CALN1: variants seen among roughly 807,000 people sequenced by gnomAD.
CALN1 encodes calneuron 1, also known as calcium-binding protein 8.
In CALN1, 17 loss-of-function variants were observed where a neutral mutation model predicts 30.6. The ratio of observed to expected loss-of-function variants is 0.56; its 90% CI spans 0.38 to 0.83. The LOEUF is 0.83. CALN1 is among the 40% of genes least tolerant of loss of function. CALN1 has a pLI of 0.00. For synonymous variants in CALN1, 156 were observed against 131.4 expected, an observed-to-expected ratio of 1.19 and a Z score of -1.28; for missense variants, 291 against 354.9, an observed-to-expected ratio of 0.82 and a Z score of 1.45.
chr7:71,949,651 C>T (rs1489311165), intron 5 of CALN1, among the ~76,000 whole-genome samples: 2 of 151,874 alleles, frequency 1.3e-5, no homozygotes, highest in African/African-American at 4.8e-5. Context: ...AAGTGCTGAG[C>T]TTACAGGCAT....
rs1262233921 is a variant in CALN1 at position 72,344,599 on chromosome 7, ATATT to A, written c.119+58648_119+58651del. 7.5e-5 allele frequency among the ~76,000 whole-genome samples: 11 copies of A among 147,104 alleles called. No individual in the cohort carries two copies. The South Asian group carries it at 1.3e-3, about 17-fold the overall frequency. On this transcript the variant is annotated intron_variant, in intron 2 of 6. Transcript: ENST00000395275. ...ATATATTCTATTTATATGTAAATAT[ATATT>A]TATGTATTTTATGTATATATAAATT...
chr7:71,996,600 T>C (rs1408452520), intron 5 of CALN1, among the ~76,000 whole-genome samples: 5 of 152,166 alleles, frequency 3.3e-5, no homozygotes, highest in Non-Finnish European at 5.9e-5. Flanking sequence ...CCGTGGTGTA[T>C]ATGTACCACT....
At chr7:72,409,345 TTGC>T (rs757389029) in intron 1 of CALN1, among the ~76,000 whole-genome samples, 1 of 151,318 alleles carries the variant, frequency 6.6e-6, no homozygotes, top group East Asian at 2.0e-4. Context: ...ACCAGATTGG[TTGC>T]TGAAGGCCAC....
intron 5 of CALN1, among the ~76,000 whole-genome samples, chr7:71,971,162 G>A (rs1296362131): frequency 6.6e-6 from 1 of 152,146 alleles, no homozygotes; most frequent in East Asian, 1.9e-4. Flanking sequence ...AAAGAAAGGA[G>A]ATGAGGCCAG....
chr7:72,345,439 AAG>A (rs1053870163), intron 2 of CALN1, among the ~76,000 whole-genome samples: 17 of 150,474 alleles, frequency 1.1e-4, no homozygotes, highest in Admixed American at 2.7e-4. Context: ...GAAGGAGGGA[AAG>A]AGAGAAAGAC....
chr7:71,918,785 C>T (rs1257788995), intron 5 of CALN1, among the ~76,000 whole-genome samples: 2 of 152,164 alleles, frequency 1.3e-5, no homozygotes, highest in Admixed American at 6.5e-5. Context: ...CAGCCCCCAG[C>T]TCCTTGGAAT....
chr7:72,404,394 G>C (rs1263647742), intron 1 of CALN1, among the ~76,000 whole-genome samples: 2 of 152,152 alleles, frequency 1.3e-5, no homozygotes, highest in Non-Finnish European at 2.9e-5. Context: ...GTTCTCTTTG[G>C]TTTCATTGAA....
intron 6 of CALN1, among the ~76,000 whole-genome samples, chr7:71,789,066 G>A (rs752049951): frequency 6.6e-6 from 1 of 152,100 alleles, no homozygotes; most frequent in Non-Finnish European, 1.5e-5. Context: ...GCCTCCCAAA[G>A]TGTTGGGATT....
chr7:72,329,817 G>A (rs1309976753), intron 2 of CALN1, among the ~76,000 whole-genome samples: 1 of 152,036 alleles, frequency 6.6e-6, no homozygotes, highest in Non-Finnish European at 1.5e-5. Flanking sequence ...AGCTGGGCGT[G>A]GTGCCACGCA....
At chr7:72,335,273 G>A (rs771580792) in intron 2 of CALN1, among the ~76,000 whole-genome samples, 2 of 152,164 alleles carry the variant, frequency 1.3e-5, no homozygotes, top group Admixed American at 6.5e-5. Context: ...CACACCAAAT[G>A]GCTTTAAATT....
At chr7:71,944,237 A>G (rs1252074749) in intron 5 of CALN1, among the ~76,000 whole-genome samples, 1 of 152,162 alleles carries the variant, frequency 6.6e-6, no homozygotes, top group Non-Finnish European at 1.5e-5. Context: ...ACTTGAGCCC[A>G]GGAGTTCAAG....
At chr7:72,406,751 G>T (rs1047301772) in intron 1 of CALN1, among the ~76,000 whole-genome samples, 1 of 151,740 alleles carries the variant, frequency 6.6e-6, no homozygotes, top group Non-Finnish European at 1.5e-5. Flanking sequence ...CAAATAACTG[G>T]GATTACAGGT....
At chr7:72,304,594 G>A (rs868472279) in intron 2 of CALN1, among the ~76,000 whole-genome samples, 1 of 152,112 alleles carries the variant, frequency 6.6e-6, no homozygotes, top group Non-Finnish European at 1.5e-5. Flanking sequence ...TGACATGGGG[G>A]GGGTATAGCT....
intron 5 of CALN1, among the ~76,000 whole-genome samples, chr7:71,814,004 G>C (rs1355337249): frequency 6.6e-6 from 1 of 151,302 alleles, no homozygotes; most frequent in Non-Finnish European, 1.5e-5. Flanking sequence ...TAAGCTACAC[G>C]GGTCCCAGGA....
chr7:72,351,662 T>C (rs1663165792), intron 2 of CALN1, among the ~76,000 whole-genome samples: 1 of 152,108 alleles, frequency 6.6e-6, no homozygotes, highest in Non-Finnish European at 1.5e-5. Flanking sequence ...AAGGTGCACA[T>C]TGTTAAACCC....
chr7:72,482,129 A>T, the CALN1 span, among the ~76,000 whole-genome samples: 1 of 152,208 alleles, frequency 6.6e-6, no homozygotes, highest in Non-Finnish European at 1.5e-5. Flanking sequence ...TTGTGAAATC[A>T]ACTTTTTTAA....
At chr7:71,936,500 T>C (rs549108182) in intron 5 of CALN1, among the ~76,000 whole-genome samples, 1 of 152,082 alleles carries the variant, frequency 6.6e-6, no homozygotes, top group East Asian at 1.9e-4. Flanking sequence ...GGAACCATCT[T>C]CTAGGCCCCT....
At chr7:72,374,568 A>C (rs926691851) in intron 2 of CALN1, among the ~76,000 whole-genome samples, 23 of 151,488 alleles carry the variant, frequency 1.5e-4, no homozygotes, top group East Asian at 9.7e-4. Flanking sequence ...GAAAAAAAAA[A>C]CAGAAAACTA....
Position 72,007,204 on chromosome 7 carries a change from C to CT in CALN1, c.501+16452dup, listed in dbSNP as rs1233135113. Among the ~76,000 whole-genome samples, 12 of 152,204 alleles carry CT rather than the reference C, an allele frequency of 7.9e-5. 1 individual carries two copies. Among genetic ancestry groups the CT allele is most frequent in the Admixed American group, 7.9e-4 (12 of 15,278 alleles). On this transcript the variant is annotated intron_variant, in intron 5 of 6. Coordinates refer to ENST00000395275, the MANE Select transcript of CALN1 (RefSeq NM_031468.4). ...TGACTGACTTCCACCAGCCACGTGA[C>CT]TAACATCTGGCCGGGGAACATAAGT... is the stretch of plus-strand genomic sequence containing the variant.
Sources: allele counts gnomAD v4.1 joint callset (sites outside exome capture counted in the v4.1 genomes callset), GRCh38; gene constraint gnomAD v4.1.1; transcripts MANE v1.5; gene names NCBI Gene and HGNC (gene_info 2026-07-23, HGNC 2026-07-21).